Variants in NCAPG observed in about 807,000 individuals in gnomAD.
The protein encoded by NCAPG is non-SMC condensin I complex subunit G.
NCAPG carries 69 observed loss-of-function variants against 113.1 expected under a neutral mutation model. The observed-to-expected ratio is 0.61, with a 90% CI of 0.50 to 0.75. NCAPG has a LOEUF of 0.75. Ranked by LOEUF, NCAPG falls within the 30% of genes least tolerant of loss-of-function variation. NCAPG has a pLI of 0.00. For synonymous variants in NCAPG, 370 were observed against 415.8 expected, an observed-to-expected ratio of 0.89 and a Z score of 1.34; for missense variants, 1,058 against 1,177.0, an observed-to-expected ratio of 0.90 and a Z score of 1.48.
chr4:17,814,537 G>T (rs1490503989), intron 3 of NCAPG, among the ~76,000 whole-genome samples: 1 of 152,204 alleles, frequency 6.6e-6, no homozygotes, highest in Non-Finnish European at 1.5e-5. Context: ...TCAAACTCCT[G>T]GGCTTAAGTG....
In NCAPG at chr4:17,811,410, C is replaced by A. The variant is rs1320107963; in HGVS notation, c.111+222C>A. ...GAAGCCTGGGCGTCGTTCACACGGGCCCCGCCTTGGCTTTTCTGAGCCGAC... is the reference window on the plus strand; with the variant it reads ...GAAGCCTGGGCGTCGTTCACACGGGACCCGCCTTGGCTTTTCTGAGCCGAC... On this transcript the variant is annotated intron_variant, in intron 1 of 20. Transcript: ENST00000251496. The surrounding 1 kb of genome is among the most constrained non-coding windows in gnomAD (Gnocchi z 5.3). Among the ~76,000 whole-genome samples, 1 of 152,246 alleles carries A rather than the reference C, an allele frequency of 6.6e-6. No homozygotes were observed. The highest frequency in any genetic ancestry group is 6.5e-5 in the Admixed American group (1 of 15,288).
At chr4:17,824,284 A>G (rs911950305) in intron 9 of NCAPG, among the ~76,000 whole-genome samples, 4 of 152,120 alleles carry the variant, frequency 2.6e-5, no homozygotes, top group African/African-American at 4.8e-5. Context: ...CTATAATACT[A>G]TTTCAGTGTT....
chr4:17,819,442 G>T (rs182676930), intron 7 of NCAPG, among the ~76,000 whole-genome samples: 2 of 149,770 alleles, frequency 1.3e-5, no homozygotes, highest in East Asian at 3.9e-4. Flanking sequence ...TTGCTCTGTC[G>T]CCAGGCTGGA....
chr4:17,825,001 A>C lies in NCAPG; in HGVS notation c.1417A>C (p.Ile473Leu), dbSNP rs1024397392. The change falls in exon 10 of 21, where the codon ATT (isoleucine) becomes CTT (leucine). Residue 473 changes from isoleucine to leucine, a missense_variant. Transcript: ENST00000251496. ...AATTATCTCAGAGATTCGGGCGCCC[A>C]TTGTTACTGTTGGTGTTAATAACGA... is the stretch of plus-strand genomic sequence containing the variant. ...TEIISEIRAP[I>L]VTVGVNNDPA... is the part of the protein sequence containing the mutation. The C allele has an allele frequency of 1.2e-6, 2 of 1,612,926 alleles. No homozygotes were observed. Among genetic ancestry groups the C allele is most frequent in the African/African-American group, 2.7e-5 (2 of 74,970 alleles).
chr4:17,840,761 T>C lies in NCAPG; in HGVS notation c.2854+68T>C, dbSNP rs371626288. The C allele has an allele frequency of 4.1e-5, 41 of 1,011,532 alleles. No homozygotes were observed. In the East Asian group the frequency reaches 4.1e-4, roughly 10 times the overall value. The allele number at this position is 1,011,532 out of a possible 1,614,324, so 62.7% of individuals were successfully genotyped here. A position where few individuals can be genotyped will look rare whatever the true frequency, so the allele number is the denominator to read the frequency against. On this transcript the variant is annotated intron_variant, in intron 19 of 20. Coordinates refer to ENST00000251496, the MANE Select transcript of NCAPG (RefSeq NM_022346.5). Reference sequence around the variant, plus strand: ...TTTATCTTCCAATGAAAAATACTTGTTTTGCAAGTTTTCTTATCTTTGTTT... The same window carrying C: ...TTTATCTTCCAATGAAAAATACTTGCTTTGCAAGTTTTCTTATCTTTGTTT...
At chr4:17,837,830 T>A in intron 16 of NCAPG, 29 bp downstream of exon 16, 1 of 1,611,572 alleles carries the variant, frequency 6.2e-7, no homozygotes, top group Non-Finnish European at 8.5e-7. Context: ...TGCATGCAGA[T>A]CACTGTTTTG....
At position 17,811,663 on chromosome 4, in the gene NCAPG, A is replaced by G. The variant is rs1304584669; in HGVS notation, c.111+475A>G. ...ACGTTGAATCCAATCACCAAATACC[A>G]AATTATTTTTAGGGCCTGGCCATTC... On this transcript the variant is annotated intron_variant, in intron 1 of 20. Coordinates refer to ENST00000251496, the MANE Select transcript of NCAPG (RefSeq NM_022346.5). This position sits in a 1 kb window ranked among gnomAD's most constrained non-coding sequence, Gnocchi z 5.3. Among the ~76,000 whole-genome samples, 1 of 152,168 alleles carries G rather than the reference A, an allele frequency of 6.6e-6. No individual in the cohort carries two copies. The highest frequency in any genetic ancestry group is 1.9e-4 in the East Asian group (1 of 5,192).
chr4:17,816,014 T>G (rs1207246485), intron 5 of NCAPG, among the ~76,000 whole-genome samples: 1 of 152,116 alleles, frequency 6.6e-6, no homozygotes, highest in Non-Finnish European at 1.5e-5. Context: ...GAATGTGTTC[T>G]GTGTATCAGA....
At chr4:17,818,626 A>G (rs1404348457) in intron 7 of NCAPG, among the ~76,000 whole-genome samples, 1 of 152,230 alleles carries the variant, frequency 6.6e-6, no homozygotes, top group African/African-American at 2.4e-5. Flanking sequence ...CTTAGCTTGC[A>G]AGCTATATAA....
At chr4:17,813,593 A>G (rs1307600469) in intron 3 of NCAPG, among the ~76,000 whole-genome samples, 2 of 152,030 alleles carry the variant, frequency 1.3e-5, no homozygotes, top group Non-Finnish European at 2.9e-5. Context: ...ATTCATTTGC[A>G]TTCTTTATAT....
chr4:17,821,120 TA>T (rs540321812), intron 7 of NCAPG, among the ~76,000 whole-genome samples: 36 of 147,222 alleles, frequency 2.4e-4, no homozygotes, highest in African/African-American at 5.2e-4. Context: ...TGAATTTACT[TA>T]AAAAAAAAAA....
chr4:17,836,165 T>A (rs1306835006), intron 14 of NCAPG, among the ~76,000 whole-genome samples: 1 of 152,350 alleles, frequency 6.6e-6, no homozygotes, highest in East Asian at 1.9e-4. Flanking sequence ...CTAGTATATA[T>A]GAAGTGCTAC....
chr4:17,840,241 G>A (rs772295677), intron 18 of NCAPG, 32 bp downstream of exon 18: 1 of 1,474,560 alleles, frequency 6.8e-7, no homozygotes, highest in South Asian at 1.5e-5. Context: ...TATTTATAAG[G>A]TTCTGTTTTT....
At chr4:17,817,571 G>A in intron 6 of NCAPG, 118 bp downstream of exon 6, 1 of 822,198 alleles carries the variant, frequency 1.2e-6, no homozygotes, top group Non-Finnish European at 1.8e-6. Flanking sequence ...ACTCTCTTTT[G>A]TTTTCTTTTA....
intron 19 of NCAPG, chr4:17,842,003 C>T (rs960296694): frequency 4.1e-5 from 10 of 244,962 alleles, no homozygotes; most frequent in Non-Finnish European, 6.5e-5. Context: ...TTCATTATAA[C>T]ACATTTTTCA....
chr4:17,838,582 T>C (rs1197682048), intron 16 of NCAPG, among the ~76,000 whole-genome samples: 1 of 152,142 alleles, frequency 6.6e-6, no homozygotes, highest in African/African-American at 2.4e-5. Context: ...TTGTTGGTAT[T>C]TGGGGAGTGG....
chr4:17,831,696 T>C (rs376790374), intron 13 of NCAPG, among the ~76,000 whole-genome samples: 13 of 152,122 alleles, frequency 8.5e-5, no homozygotes, highest in East Asian at 7.8e-4. Flanking sequence ...GTGTAGGACT[T>C]TGGGTGTGTT....
chr4:17,833,480 A>T (rs983651959), intron 13 of NCAPG, among the ~76,000 whole-genome samples: 5 of 135,886 alleles, frequency 3.7e-5, no homozygotes, highest in Middle Eastern at 3.6e-3. Flanking sequence ...ATATATATAT[A>T]TATTTTTGTT....
At position 17,825,577 on chromosome 4, in the gene NCAPG, T is replaced by C. The variant is rs572067510; in HGVS notation, c.1653+16T>C. 6.4e-7 allele frequency: 1 copy of C among 1,568,680 alleles called. No individual in the cohort carries two copies. Among genetic ancestry groups the C allele is most frequent in the African/African-American group, 1.4e-5 (1 of 72,052 alleles). The stretch of plus-strand genomic sequence containing the variant: ...CATAGAGAAGGTACAGGTAACTTTT[T>C]TCATACTAAATCTCAGGTGTTATTA... On this transcript the variant is annotated intron_variant, in intron 11 of 20. Transcript: ENST00000251496.
Sources: gnomAD v4.1 joint callset for allele counts (sites outside exome capture counted in the v4.1 genomes callset) on GRCh38, gnomAD v4.1.1 for gene constraint, Gnocchi (gnomAD v3.1) non-coding constraint, MANE v1.5 for transcripts, NCBI Gene and HGNC (gene_info 2026-07-23, HGNC 2026-07-21) for gene names.